The following DSCAM variants were observed in gnomAD, a reference collection of about 807,000 sequenced individuals.
DSCAM encodes DS cell adhesion molecule.
A neutral mutation model predicts 217.7 loss-of-function variants in DSCAM; 47 were observed. That is an observed-to-expected ratio of 0.22 (90% confidence interval 0.17 to 0.28). The LOEUF is 0.28. DSCAM is among the 10% of genes least tolerant of loss of function. The probability of loss-of-function intolerance (pLI) is 1.00; values close to 1 mark genes in which losing one functional copy is unlikely to be tolerated. For synonymous variants in DSCAM, 1,056 were observed against 1,015.3 expected (o/e 1.04, Z -0.76); for missense variants, 2,080 against 2,618.3 (o/e 0.79, Z 4.49).
At chr21:40,036,206 A>C (rs2088619787) in intron 32 of DSCAM, among the ~76,000 whole-genome samples, 1 of 147,718 alleles carries the variant, frequency 6.8e-6, no homozygotes, top group South Asian at 2.1e-4. Flanking sequence ...AAAACCCTTC[A>C]AAAAATTAAT....
intron 1 of DSCAM, among the ~76,000 whole-genome samples, chr21:40,817,297 T>C (rs1205742075): frequency 6.6e-6 from 1 of 152,200 alleles, no homozygotes; most frequent in Admixed American, 6.5e-5. Flanking sequence ...GGAAGCAAGC[T>C]TAAGTGCAAA....
In DSCAM at chr21:40,637,338, A is replaced by AAAATATATATAAATATAAATATATATAT. The variant is rs2089792936; in HGVS notation, c.508+55444_508+55471dup. Among the ~76,000 whole-genome samples the AAAATATATATAAATATAAATATATATAT allele has an allele frequency of 7.9e-4, 2 of 2,540 alleles. 1 individual carries two copies. The highest frequency in any genetic ancestry group is 5.9e-3 in the African/African-American group (2 of 338). The allele number at this position is 2,540 out of a possible 152,430, so 1.7% of individuals were successfully genotyped here. A position where few individuals can be genotyped will look rare whatever the true frequency, so the allele number is the denominator to read the frequency against. On this transcript the variant is annotated intron_variant, in intron 3 of 32. Coordinates refer to ENST00000400454, the MANE Select transcript of DSCAM (RefSeq NM_001389.5). ...ATATATATAAATATAAATATATATA[A>AAAATATATATAAATATAAATATATATAT]AAATATATATAAATATAAATATATA...
At chr21:40,705,076 A>T (rs2090697707) in intron 2 of DSCAM, among the ~76,000 whole-genome samples, 1 of 152,220 alleles carries the variant, frequency 6.6e-6, no homozygotes, top group African/African-American at 2.4e-5. Flanking sequence ...GATTCTTGCT[A>T]AAGCTGGGGA....
chr21:40,327,367 A>C (rs868850338), intron 8 of DSCAM, among the ~76,000 whole-genome samples: 2 of 152,202 alleles, frequency 1.3e-5, no homozygotes, highest in Admixed American at 6.5e-5. Flanking sequence ...TAACTAAATA[A>C]AAGAATTGTA....
chr21:40,802,232 C>T (rs1390379908), intron 1 of DSCAM, among the ~76,000 whole-genome samples: 1 of 152,176 alleles, frequency 6.6e-6, no homozygotes, highest in Non-Finnish European at 1.5e-5. Context: ...TTAATGTCTG[C>T]CCTGCTGGGT....
chr21:40,579,115 G>A (rs1297174360), intron 3 of DSCAM, among the ~76,000 whole-genome samples: 1 of 152,116 alleles, frequency 6.6e-6, no homozygotes, highest in African/African-American at 2.4e-5. Flanking sequence ...ATAACCAAAG[G>A]GGAACAATTC....
rs1446982480 is a variant in DSCAM at position 40,477,236 on chromosome 21, G to T, written c.509-107991C>A. Reference sequence around the variant, plus strand: ...GAATTCTTTTTCACTGAATAGTCTAGAAAAATAAAACCAGCTCTCTATCTG... The same window carrying T: ...GAATTCTTTTTCACTGAATAGTCTATAAAAATAAAACCAGCTCTCTATCTG... On this transcript the variant is annotated intron_variant, in intron 3 of 32. Transcript: ENST00000400454. Among the ~76,000 whole-genome samples the T allele has an allele frequency of 2.0e-5, 3 of 151,694 alleles. No homozygotes were observed. In the East Asian group the frequency reaches 5.8e-4, roughly 29 times the overall value.
chr21:40,408,607 G>A (rs1260470389), intron 3 of DSCAM, among the ~76,000 whole-genome samples: 20 of 152,120 alleles, frequency 1.3e-4, no homozygotes, highest in Non-Finnish European at 7.4e-5. Context: ...GTTCTTGTAG[G>A]TTTCTTCTAT....
rs565189921 is a variant in DSCAM at position 40,093,585 on chromosome 21, C to T, written c.3850+136G>A. The T allele has an allele frequency of 3.4e-5, 37 of 1,085,368 alleles. No homozygotes were observed. The African/African-American group carries it at 5.3e-4, about 15-fold the overall frequency. 67.2% of individuals were successfully genotyped at this position (1,085,368 alleles called of 1,614,324 possible). ...AAGCTCAGAGCTTGTTAGCCACAACCCTGTTTCTTGAGCTAAAATGTGATA... is the reference window on the plus strand; with the variant it reads ...AAGCTCAGAGCTTGTTAGCCACAACTCTGTTTCTTGAGCTAAAATGTGATA... On this transcript the variant is annotated intron_variant, in intron 21 of 32. Transcript: ENST00000400454.
chr21:40,549,650 G>A (rs1190852500), intron 3 of DSCAM, among the ~76,000 whole-genome samples: 3 of 152,318 alleles, frequency 2.0e-5, no homozygotes, highest in East Asian at 3.9e-4. Flanking sequence ...CTAGGTTCTA[G>A]GCCTGTCTCA....
chr21:40,804,275 A>G (rs1309647766), intron 1 of DSCAM, among the ~76,000 whole-genome samples: 3 of 152,204 alleles, frequency 2.0e-5, no homozygotes, highest in African/African-American at 7.2e-5. Flanking sequence ...TTTAAATTGA[A>G]GCACAGAAGG....
chr21:40,329,057 AT>A (rs2074348052), intron 8 of DSCAM, among the ~76,000 whole-genome samples: 1 of 152,226 alleles, frequency 6.6e-6, no homozygotes, highest in South Asian at 2.1e-4. Context: ...TTTGTACTGT[AT>A]TGATAGGAAT....
intron 32 of DSCAM, among the ~76,000 whole-genome samples, chr21:40,017,888 C>T (rs1005404776): frequency 6.6e-6 from 1 of 152,170 alleles, no homozygotes. Flanking sequence ...CATAATTTGG[C>T]ATTCTTGTAA....
At chr21:40,804,559 G>A (rs1331650242) in intron 1 of DSCAM, among the ~76,000 whole-genome samples, 2 of 151,948 alleles carry the variant, frequency 1.3e-5, no homozygotes, top group Non-Finnish European at 2.9e-5. Context: ...GAAGATGAGA[G>A]CCCCCACGGT....
intron 8 of DSCAM, among the ~76,000 whole-genome samples, chr21:40,330,950 C>A (rs1334716822): frequency 6.6e-6 from 1 of 152,038 alleles, no homozygotes; most frequent in Non-Finnish European, 1.5e-5. Context: ...TCTGCAATTC[C>A]CAAGTCGTTG....
chr21:40,385,789 A>G (rs1157708298), intron 3 of DSCAM, among the ~76,000 whole-genome samples: 2 of 152,110 alleles, frequency 1.3e-5, no homozygotes, highest in Admixed American at 6.6e-5. Flanking sequence ...TCAAAACTTT[A>G]TATATATTTT....
At chr21:40,773,661 A>G (rs918939843) in intron 1 of DSCAM, among the ~76,000 whole-genome samples, 2 of 152,224 alleles carry the variant, frequency 1.3e-5, no homozygotes, top group African/African-American at 4.8e-5. Flanking sequence ...CAAGGTAAGT[A>G]AGCAAAAGAA....
intron 28 of DSCAM, among the ~76,000 whole-genome samples, chr21:40,056,557 C>G (rs576202260): frequency 6.6e-6 from 1 of 152,146 alleles, no homozygotes; most frequent in South Asian, 2.1e-4. Context: ...AAAAAAAACT[C>G]CACGTTGCAC....
intron 8 of DSCAM, among the ~76,000 whole-genome samples, chr21:40,326,017 T>C (rs192508175): frequency 1.7e-4 from 26 of 152,300 alleles, no homozygotes; most frequent in Non-Finnish European, 2.9e-4. Flanking sequence ...TGTGCTGTTA[T>C]TGTATATATT....
Sources: gnomAD v4.1 joint callset for allele counts (sites outside exome capture counted in the v4.1 genomes callset) on GRCh38, gnomAD v4.1.1 for gene constraint, MANE v1.5 for transcripts, NCBI Gene and HGNC (gene_info 2026-07-23, HGNC 2026-07-21) for gene names.